PTPRE: variants seen among roughly 807,000 people sequenced by gnomAD.
PTPRE encodes the protein protein tyrosine phosphatase receptor type E, also known as receptor-type tyrosine-protein phosphatase epsilon.
PTPRE carries 51 observed loss-of-function variants against 102.0 expected under a neutral mutation model. The ratio of observed to expected loss-of-function variants is 0.50; its 90% CI spans 0.40 to 0.63. The LOEUF (loss-of-function observed/expected upper bound fraction) is 0.63. Among genes scored for constraint, PTPRE ranks in the 30% least tolerant of loss-of-function variants. PTPRE has a pLI of 0.00. For synonymous variants in PTPRE, 345 were observed against 348.2 expected, an observed-to-expected ratio of 0.99 and a Z score of 0.10; for missense variants, 752 against 915.1, an observed-to-expected ratio of 0.82 and a Z score of 2.30.
chr10:127,923,398 A>ATTTTTTTTTTTTTTTTTTTTTT (rs35994733), intron 1 of PTPRE, among the ~76,000 whole-genome samples: 2 of 106,926 alleles, frequency 1.9e-5, no homozygotes, highest in Non-Finnish European at 3.7e-5. Context: ...ACCAGTTTGA[A>ATTTTTTTTTTTTTTTTTTTTTT]TTTTTTTTTT....
Position 127,953,342 on chromosome 10 carries a change from C to T in PTPRE, c.-30-28932C>T, listed in dbSNP as rs145979950. ...AGGCTCTTAGGATTTTTGAGAAAGG[C>T]CCGGCCACTACCTGCAGGTAACCAC... On this transcript the variant is annotated intron_variant, in intron 1 of 20. Coordinates refer to ENST00000254667, the MANE Select transcript of PTPRE (RefSeq NM_006504.6). 3.8e-3 allele frequency among the ~76,000 whole-genome samples: 583 copies of T among 152,316 alleles called. 2 individuals carry two copies. The highest frequency in any genetic ancestry group is 0.013 in the African/African-American group (555 of 41,562).
At chr10:127,963,912 C>T (rs1444071078) in intron 1 of PTPRE, among the ~76,000 whole-genome samples, 1 of 152,186 alleles carries the variant, frequency 6.6e-6, no homozygotes, top group Non-Finnish European at 1.5e-5. Context: ...TACCTTGACC[C>T]TCTGTGCCTG....
chr10:127,985,948 G>A (rs903967752), intron 2 of PTPRE, among the ~76,000 whole-genome samples: 6 of 152,072 alleles, frequency 3.9e-5, no homozygotes, highest in Non-Finnish European at 8.8e-5. Flanking sequence ...AAAATTAGCT[G>A]AGTGTGGTGG....
chr10:128,027,046 C>T (rs903887309), intron 2 of PTPRE, among the ~76,000 whole-genome samples: 6 of 152,152 alleles, frequency 3.9e-5, no homozygotes, highest in African/African-American at 9.7e-5. Flanking sequence ...TAGATACAGA[C>T]GCAGAGAGGG....
At chr10:128,048,460 TA>T (rs1848275212) in intron 5 of PTPRE, among the ~76,000 whole-genome samples, 1 of 152,192 alleles carries the variant, frequency 6.6e-6, no homozygotes, top group South Asian at 2.1e-4. Context: ...GCTTCCTACC[TA>T]ACTGTAGTCA....
Position 127,944,545 on chromosome 10 carries a change from T to A in PTPRE, c.-31+37236T>A, listed in dbSNP as rs1443489176. 1.3e-5 allele frequency among the ~76,000 whole-genome samples: 2 copies of A among 151,628 alleles called. No individual in the cohort carries two copies. Among genetic ancestry groups the A allele is most frequent in the African/African-American group, 2.4e-5 (1 of 41,212 alleles). On this transcript the variant is annotated intron_variant, in intron 1 of 20. Coordinates refer to ENST00000254667, the MANE Select transcript of PTPRE (RefSeq NM_006504.6). The surrounding 1 kb of genome is among the most constrained non-coding windows in gnomAD (Gnocchi z 4.2). ...ATGGATGGATAAATGGATGGATGGA[T>A]AAGTGGATGGATGGATGGGTGGATA... is the stretch of plus-strand genomic sequence containing the variant.
intron 3 of PTPRE, among the ~76,000 whole-genome samples, chr10:128,044,383 G>C (rs889228720): frequency 6.6e-6 from 1 of 152,240 alleles, no homozygotes; most frequent in African/African-American, 2.4e-5. Flanking sequence ...CCCTGGGGCA[G>C]AACTGAGGTA....
Position 127,937,633 on chromosome 10 carries a change from C to A in PTPRE, c.-31+30324C>A, listed in dbSNP as rs551606683. On this transcript the variant is annotated intron_variant, in intron 1 of 20. Coordinates refer to ENST00000254667, the MANE Select transcript of PTPRE (RefSeq NM_006504.6). ...CAGCACTTTGGGAGGTCAAGGCAGG[C>A]AGATCACTTGAGGTCAGGAGTTTGA... Among the ~76,000 whole-genome samples, 16 of 150,758 alleles carry A rather than the reference C, an allele frequency of 1.1e-4. No individual in the cohort carries two copies. The East Asian group carries it at 3.1e-3, about 29-fold the overall frequency.
chr10:127,936,414 A>G (rs1180068394), intron 1 of PTPRE, among the ~76,000 whole-genome samples: 2 of 152,180 alleles, frequency 1.3e-5, no homozygotes, highest in Non-Finnish European at 2.9e-5. Context: ...TGTTATGAAT[A>G]GATGTTATGG....
At chr10:128,062,938 T>C (rs1351009201) in intron 9 of PTPRE, 145 bp from the exon 10 acceptor site, 35 of 1,427,994 alleles carry the variant, frequency 2.5e-5, no homozygotes, top group Non-Finnish European at 3.2e-5. Flanking sequence ...TCCGGAACGC[T>C]TCAGGGCATG....
chr10:127,947,017 T>C (rs1450056992), intron 1 of PTPRE, among the ~76,000 whole-genome samples: 1 of 123,368 alleles, frequency 8.1e-6, no homozygotes, highest in African/African-American at 3.5e-5. Context: ...TGAGACCCTG[T>C]CTCAAAAAAA....
At chr10:127,924,504 C>T (rs539221801) in intron 1 of PTPRE, among the ~76,000 whole-genome samples, 71 of 152,328 alleles carry the variant, frequency 4.7e-4, no homozygotes, top group African/African-American at 1.7e-3. Flanking sequence ...GCTAGGACCA[C>T]AGGCATGAGC....
In PTPRE at chr10:128,083,431, C is replaced by A. The variant is rs563489506; in HGVS notation, c.*525C>A. 5 of 152,496 alleles carry A rather than the reference C, an allele frequency of 3.3e-5. No individual in the cohort carries two copies. In the South Asian group the frequency reaches 1.0e-3, roughly 32 times the overall value. 9.4% of individuals were successfully genotyped at this position (152,496 alleles called of 1,614,324 possible). On this transcript the variant is annotated 3_prime_UTR_variant, in exon 21 of 21. Coordinates refer to ENST00000254667, the MANE Select transcript of PTPRE (RefSeq NM_006504.6). ...TTTCGGTCCATGTGGTTTATCTTTA[C>A]ATTTTAAAGATCAAAGAAGTCTTTA...
chr10:127,985,286 T>C (rs1210690819), intron 2 of PTPRE, among the ~76,000 whole-genome samples: 5 of 152,220 alleles, frequency 3.3e-5, no homozygotes, highest in African/African-American at 1.2e-4. Context: ...AAGCATTTAA[T>C]AAAAGCTAGC....
intron 7 of PTPRE, among the ~76,000 whole-genome samples, chr10:128,058,453 C>T (rs889194150): frequency 2.6e-5 from 4 of 152,212 alleles, no homozygotes; most frequent in African/African-American, 9.7e-5. Flanking sequence ...AGCACCACAC[C>T]ATGGGAACCC....
intron 8 of PTPRE, among the ~76,000 whole-genome samples, chr10:128,061,273 G>A (rs1409262369): frequency 6.6e-6 from 1 of 152,194 alleles, no homozygotes; most frequent in African/African-American, 2.4e-5. Flanking sequence ...CAGGGAGCAT[G>A]GGTAGTTAAA....
At chr10:128,007,936 A>G (rs1308404182) in intron 2 of PTPRE, among the ~76,000 whole-genome samples, 1 of 152,126 alleles carries the variant, frequency 6.6e-6, no homozygotes, top group African/African-American at 2.4e-5. Flanking sequence ...TGCCTCACAC[A>G]CCTTGTTCCT....
At chr10:128,082,682 C>A in intron 20 of PTPRE, 150 bp from the exon 21 acceptor site, 1 of 839,084 alleles carries the variant, frequency 1.2e-6, no homozygotes, top group Non-Finnish European at 1.7e-6. Flanking sequence ...TCTGCATGTG[C>A]CTAAAAACTA....
At chr10:128,078,933 C>T (rs1172381110) in intron 19 of PTPRE, among the ~76,000 whole-genome samples, 1 of 152,318 alleles carries the variant, frequency 6.6e-6, no homozygotes, top group East Asian at 1.9e-4. Flanking sequence ...TCCACCCCAC[C>T]TCCTCCAGCC....
Sources: gnomAD v4.1 joint callset for allele counts (sites outside exome capture counted in the v4.1 genomes callset) on GRCh38, gnomAD v4.1.1 for gene constraint, Gnocchi (gnomAD v3.1) non-coding constraint, MANE v1.5 for transcripts, NCBI Gene and HGNC (gene_info 2026-07-23, HGNC 2026-07-21) for gene names.